FMN2: variants seen among roughly 807,000 people sequenced by gnomAD.
The protein encoded by FMN2 is formin 2.
A neutral mutation model predicts 142.3 loss-of-function variants in FMN2; 51 were observed. That is an observed-to-expected ratio of 0.36 (90% CI 0.29 to 0.45). The LOEUF (loss-of-function observed/expected upper bound fraction) is 0.45. Among genes scored for constraint, FMN2 ranks in the 20% least tolerant of loss-of-function variants. FMN2 has a pLI of 1.00. For missense variants in FMN2, 1,936 were observed against 2,122.8 expected, an observed-to-expected ratio of 0.91 and a Z score of 1.73; for synonymous variants, 882 against 869.8, an observed-to-expected ratio of 1.01 and a Z score of -0.25.
intron 8 of FMN2, among the ~76,000 whole-genome samples, chr1:240,327,339 TA>T (rs1189847891): frequency 6.6e-6 from 1 of 152,212 alleles, no homozygotes; most frequent in Admixed American, 6.5e-5. Context: ...ACGTCTTTGT[TA>T]GTTAATCCTA....
intron 15 of FMN2, among the ~76,000 whole-genome samples, chr1:240,413,328 G>A (rs1000412265): frequency 1.3e-5 from 2 of 151,548 alleles, no homozygotes; most frequent in East Asian, 3.9e-4. Context: ...GTTGGGCTTG[G>A]GAAGGAGTTA....
intron 2 of FMN2, among the ~76,000 whole-genome samples, chr1:240,148,201 C>CAG (rs753745242): frequency 4.0e-5 from 6 of 149,778 alleles, no homozygotes; most frequent in East Asian, 3.9e-4. Flanking sequence ...GGGACAGAGA[C>CAG]AGAGAGAGAG....
chr1:240,352,567 C>T (rs1672129595), intron 13 of FMN2, among the ~76,000 whole-genome samples: 1 of 151,946 alleles, frequency 6.6e-6, no homozygotes, highest in Non-Finnish European at 1.5e-5. Context: ...GGCAACAGAG[C>T]AAGACTTTGT....
At chr1:240,143,676 C>T (rs1280942270) in intron 2 of FMN2, 2 of 1,608,640 alleles carry the variant, frequency 1.2e-6, no homozygotes, top group African/African-American at 1.3e-5. Flanking sequence ...TGGCCTCACC[C>T]TTCCCCAGGT....
chr1:240,097,291 G>A (rs1434718091), intron 1 of FMN2, among the ~76,000 whole-genome samples: 1 of 151,832 alleles, frequency 6.6e-6, no homozygotes, highest in African/African-American at 2.4e-5. Flanking sequence ...TGTAGTTTCT[G>A]AGTTTTTGTG....
At position 240,093,119 on chromosome 1, in the gene FMN2, C is replaced by G; in HGVS notation, c.1010C>G (p.Ala337Gly). The change falls in exon 1 of 18, where the codon GCC becomes GGC. Residue 337 changes from alanine to glycine, a missense_variant. Around this residue, in one of 8 missense-constraint regions of FMN2, gnomAD observed 751 missense variants for 791.8 expected, o/e 0.95. Coordinates refer to ENST00000319653, the MANE Select transcript of FMN2 (RefSeq NM_020066.5). ...EAGPGEEAAGAPVRGAGDTDE... is the reference protein window; with the variant it reads ...EAGPGEEAAGGPVRGAGDTDE... The stretch of plus-strand genomic sequence containing the variant: ...GGGCCGGGGGAGGAAGCGGCCGGAG[C>G]CCCCGTGCGAGGGGCTGGGGACACG... 7.1e-7 allele frequency: 1 copy of G among 1,398,738 alleles called. No homozygotes were observed. The highest frequency in any genetic ancestry group is 9.2e-7 in the Non-Finnish European group (1 of 1,085,730). 86.6% of individuals were successfully genotyped at this position (1,398,738 alleles called of 1,614,324 possible).
chr1:240,386,278 A>AC (rs1482709824), intron 14 of FMN2, among the ~76,000 whole-genome samples: 1 of 152,220 alleles, frequency 6.6e-6, no homozygotes, highest in Non-Finnish European at 1.5e-5. Flanking sequence ...TGTCTAAAAA[A>AC]TATCCCATAC....
At chr1:240,299,091 G>A (rs1467663187) in intron 8 of FMN2, among the ~76,000 whole-genome samples, 1 of 151,878 alleles carries the variant, frequency 6.6e-6, no homozygotes, top group East Asian at 1.9e-4. Context: ...GGGATTACAG[G>A]CACCCACCGC....
chr1:240,157,994 A>T (rs1388500928), intron 2 of FMN2, among the ~76,000 whole-genome samples: 3 of 150,724 alleles, frequency 2.0e-5, no homozygotes, highest in East Asian at 3.9e-4. Context: ...AAAAAAAAAA[A>T]GTCAGCCAGG....
rs1430617306 is a variant in FMN2, at chr1:240,360,583, T to C, written c.4858+4675T>C. ...GAGTGTGAAACCATAAGAAGGGTGC[T>C]AAATATACACCTATGGCGAGGACAA... On this transcript the variant is annotated intron_variant, in intron 14 of 17. Coordinates refer to ENST00000319653, the MANE Select transcript of FMN2 (RefSeq NM_020066.5). 2.6e-5 allele frequency among the ~76,000 whole-genome samples: 4 copies of C among 152,324 alleles called. No individual in the cohort carries two copies. In the East Asian group the frequency reaches 7.7e-4, roughly 29 times the overall value.
chr1:240,333,102 A>T (rs949108172), intron 11 of FMN2, among the ~76,000 whole-genome samples: 3 of 152,178 alleles, frequency 2.0e-5, no homozygotes, highest in Admixed American at 6.6e-5. Context: ...TTTTTAAAGT[A>T]AAATATATAC....
intron 16 of FMN2, chr1:240,471,902 C>G (rs1014388805): frequency 6.5e-6 from 1 of 154,710 alleles, no homozygotes; most frequent in African/African-American, 2.4e-5. Flanking sequence ...GCCTTGGCAT[C>G]CCAAAGTGCT....
At chr1:240,106,927 G>C (rs757948684) in intron 1 of FMN2, among the ~76,000 whole-genome samples, 58 of 151,450 alleles carry the variant, frequency 3.8e-4, no homozygotes, top group Non-Finnish European at 6.6e-4. Flanking sequence ...AAGGTGATCT[G>C]CCCGCCTCAG....
rs1661096978 is a variant in FMN2 at position 240,093,698 on chromosome 1, C to T, written c.1589C>T (p.Ala530Val). The T allele has an allele frequency of 5.1e-6, 7 of 1,368,406 alleles. No individual in the cohort carries two copies. The highest frequency in any genetic ancestry group is 6.7e-5 in the Admixed American group (2 of 29,760). 84.8% of individuals were successfully genotyped at this position (1,368,406 alleles called of 1,614,324 possible). ...AAKASGAPAA[A>V]DGFQNVFTGR... ...AAGGCGTCTGGGGCCCCCGCGGCTG[C>T]GGATGGCTTCCAGAACGTGTTCACA... is the stretch of plus-strand genomic sequence containing the variant. Residue 530 changes from alanine to valine, a missense_variant, in exon 1 of 18, where the codon GCG becomes GTG. Physicochemically the swap from Ala to Val is moderately conservative, Grantham distance 64. Transcript: ENST00000319653.
Position 240,221,573 on chromosome 1 carries a change from G to GT in FMN2, c.4065+10346dup, listed in dbSNP as rs749765241. Reference sequence around the variant, plus strand: ...CACTTTTTGATGGGATTGTTTGTTTGTTTTTTTTCTTGTAAATTTGTTTAA... The same window carrying GT: ...CACTTTTTGATGGGATTGTTTGTTTGTTTTTTTTTCTTGTAAATTTGTTTAA... On this transcript the variant is annotated intron_variant, in intron 6 of 17. Transcript: ENST00000319653. Among the ~76,000 whole-genome samples the GT allele has an allele frequency of 1.5e-4, 22 of 151,448 alleles. No homozygotes were observed. In the East Asian group the frequency reaches 3.1e-3, roughly 21 times the overall value.
intron 2 of FMN2, among the ~76,000 whole-genome samples, chr1:240,172,794 T>G (rs1207768807): frequency 6.6e-6 from 1 of 152,188 alleles, no homozygotes; most frequent in African/African-American, 2.4e-5. Flanking sequence ...AAAGTTTCCT[T>G]TTGGTTCCTT....
At chr1:240,232,127 T>A (rs987408880) in intron 6 of FMN2, among the ~76,000 whole-genome samples, 1 of 152,138 alleles carries the variant, frequency 6.6e-6, no homozygotes, top group African/African-American at 2.4e-5. Context: ...TGGAGTGCAA[T>A]GATGCGATCT....
chr1:240,288,548 C>A (rs1365848815), intron 7 of FMN2, among the ~76,000 whole-genome samples: 1 of 152,054 alleles, frequency 6.6e-6, no homozygotes, highest in African/African-American at 2.4e-5. Flanking sequence ...TGATGGGCAG[C>A]CCCTCAGATG....
At chr1:240,295,451 C>G (rs2102962229) in intron 8 of FMN2, among the ~76,000 whole-genome samples, 1 of 152,056 alleles carries the variant, frequency 6.6e-6, no homozygotes, top group Non-Finnish European at 1.5e-5. Context: ...ATTTTCCTAC[C>G]TCCCACCCCT....
Sources: allele counts gnomAD v4.1 joint callset (sites outside exome capture counted in the v4.1 genomes callset), GRCh38; gene constraint gnomAD v4.1.1; regional missense constraint gnomAD v4.1.1; transcripts MANE v1.5; gene names NCBI Gene and HGNC (gene_info 2026-07-23, HGNC 2026-07-21).